The following GNAI3 variants were observed in gnomAD, a reference collection of about 807,000 sequenced individuals.
GNAI3 encodes G protein subunit alpha i3.
Under a neutral mutation model 41.8 loss-of-function variants are expected in GNAI3, and 12 were observed. That is an observed-to-expected ratio of 0.29 (90% CI 0.18 to 0.47). GNAI3 has a LOEUF of 0.47. GNAI3 is among the 20% of genes least tolerant of loss of function. GNAI3 has a pLI of 1.00. For synonymous variants in GNAI3, 132 were observed against 146.5 expected (o/e 0.90, Z 0.71); for missense variants, 360 against 429.6 (o/e 0.84, Z 1.43).
At position 109,553,259 on chromosome 1, in the gene GNAI3, ATACT is replaced by A. The variant is rs531467492; in HGVS notation, c.118+4424_118+4427del. On this transcript the variant is annotated intron_variant, in intron 1 of 8. Transcript: ENST00000369851. ...TTTACTCATCACTGTACTAATGAAG[ATACT>A]TAGTTTTGTAAATTATTGAATTATC... Among the ~76,000 whole-genome samples, 433 of 152,226 alleles carry A rather than the reference ATACT, an allele frequency of 2.8e-3. 2 individuals are homozygous for A. Among genetic ancestry groups the A allele is most frequent in the Non-Finnish European group, 4.6e-3 (314 of 68,016 alleles).
intron 7 of GNAI3, among the ~76,000 whole-genome samples, chr1:109,590,991 G>A (rs936609467): frequency 1.3e-5 from 2 of 152,060 alleles, no homozygotes; most frequent in Non-Finnish European, 2.9e-5. Flanking sequence ...TCTTTGTTGC[G>A]TTTCCCTGGC....
intron 3 of GNAI3, 45 bp downstream of exon 3, chr1:109,574,082 TAC>T: frequency 6.6e-7 from 1 of 1,505,324 alleles, no homozygotes; most frequent in Non-Finnish European, 9.0e-7. Context: ...ATTCAGCAGA[TAC>T]AGTTAAGTTA....
Position 109,598,974 on chromosome 1 carries a change from C to G in GNAI3, c.*6652C>G. 1.9e-6 allele frequency: 1 copy of G among 534,872 alleles called. No homozygotes were observed. The highest frequency in any genetic ancestry group is 3.8e-6 in the Non-Finnish European group (1 of 260,040). The allele number at this position is 534,872 out of a possible 1,614,324, so 33.1% of individuals were successfully genotyped here. A position where few individuals can be genotyped will look rare whatever the true frequency, so the allele number is the denominator to read the frequency against. ...TTCTCCACCCAGCATGGCCGGCACA[C>G]TTTGGTCTACGGCACATCTCCAAGT... On this transcript the variant is annotated 3_prime_UTR_variant, in exon 9 of 9. Coordinates refer to ENST00000369851, the MANE Select transcript of GNAI3 (RefSeq NM_006496.4).
chr1:109,579,252 G>A lies in GNAI3; in HGVS notation c.352G>A (p.Val118Ile). 1 of 1,613,482 alleles carries A rather than the reference G, an allele frequency of 6.2e-7. No homozygotes were observed. The highest frequency in any genetic ancestry group is 1.7e-5 in the Admixed American group (1 of 59,996). ...FVLAGSAEEG[V>I]MTPELAGVIK... The stretch of plus-strand genomic sequence containing the variant: ...TTTAGCTGGCAGTGCTGAAGAAGGA[G>A]TCATGACTCCAGAACTAGCAGGAGT... The change falls in exon 4 of 9, where the codon GTC becomes ATC. Residue 118 changes from valine (V) to isoleucine (I), a missense_variant. Val to Ile is a conservative substitution (Grantham distance 29). Coordinates refer to ENST00000369851, the MANE Select transcript of GNAI3 (RefSeq NM_006496.4).
intron 1 of GNAI3, among the ~76,000 whole-genome samples, chr1:109,561,662 A>T (rs1237460252): frequency 6.6e-6 from 1 of 152,218 alleles, no homozygotes; most frequent in Non-Finnish European, 1.5e-5. Flanking sequence ...AGTAGGGAAG[A>T]TATGCAAGTA....
At chr1:109,561,204 C>T (rs1648300632) in intron 1 of GNAI3, among the ~76,000 whole-genome samples, 1 of 152,128 alleles carries the variant, frequency 6.6e-6, no homozygotes, top group African/African-American at 2.4e-5. Context: ...TAATTAAAAT[C>T]CACATTCATG....
Position 109,592,439 on chromosome 1 carries a change from A to G in GNAI3, c.*117A>G. The G allele has an allele frequency of 2.2e-6, 1 of 455,430 alleles. No homozygotes were observed. Among genetic ancestry groups the G allele is most frequent in the African/African-American group, 1.9e-5 (1 of 52,274 alleles). 28.2% of individuals were successfully genotyped at this position (455,430 alleles called of 1,614,324 possible). A position where few individuals can be genotyped will look rare whatever the true frequency, so the allele number is the denominator to read the frequency against. The stretch of plus-strand genomic sequence containing the variant: ...GGACCAGGGAATGGCAGCAGCATGC[A>G]GAATCTTAGCACTCTTTAGCACAAT... On this transcript the variant is annotated 3_prime_UTR_variant, in exon 9 of 9. Coordinates refer to ENST00000369851, the MANE Select transcript of GNAI3 (RefSeq NM_006496.4).
At chr1:109,568,928 G>A (rs1347794860) in intron 1 of GNAI3, among the ~76,000 whole-genome samples, 1 of 152,136 alleles carries the variant, frequency 6.6e-6, no homozygotes, top group Non-Finnish European at 1.5e-5. Context: ...ATGGCCTCAA[G>A]TGATCCTCCT....
chr1:109,588,818 G>A (rs972571885), intron 7 of GNAI3, among the ~76,000 whole-genome samples: 4 of 152,068 alleles, frequency 2.6e-5, no homozygotes, highest in Admixed American at 6.5e-5. Flanking sequence ...GCTTGAACCC[G>A]GGAGGCGGAG....
chr1:109,560,356 A>G (rs1409806900), intron 1 of GNAI3, among the ~76,000 whole-genome samples: 1 of 152,224 alleles, frequency 6.6e-6, no homozygotes, highest in Admixed American at 6.5e-5. Flanking sequence ...ATTCTAAGTC[A>G]TAATAATGAT....
Position 109,599,406 on chromosome 1 carries a change from C to G in GNAI3, c.*7084C>G, listed in dbSNP as rs542356776. The stretch of plus-strand genomic sequence containing the variant: ...TAAACAGTAACTCCCCATGCCCCAC[C>G]TTCTTTCAGCCCCTGGTAACCAGCA... On this transcript the variant is annotated 3_prime_UTR_variant, in exon 9 of 9. Coordinates refer to ENST00000369851, the MANE Select transcript of GNAI3 (RefSeq NM_006496.4). 2.0e-5 allele frequency: 3 copies of G among 152,584 alleles called. No homozygotes were observed. Among genetic ancestry groups the G allele is most frequent in the Admixed American group, 2.0e-4 (3 of 15,334 alleles). The allele number at this position is 152,584 out of a possible 1,614,324, so 9.5% of individuals were successfully genotyped here. A position where few individuals can be genotyped will look rare whatever the true frequency, so the allele number is the denominator to read the frequency against.
chr1:109,577,617 A>G (rs1648784666), intron 3 of GNAI3, among the ~76,000 whole-genome samples: 2 of 152,102 alleles, frequency 1.3e-5, no homozygotes, highest in Non-Finnish European at 2.9e-5. Flanking sequence ...CCGCCATGCC[A>G]CCCTGAATGC....
At chr1:109,558,147 G>T (rs192792257) in intron 1 of GNAI3, among the ~76,000 whole-genome samples, 2 of 152,248 alleles carry the variant, frequency 1.3e-5, no homozygotes, top group Admixed American at 1.3e-4. Flanking sequence ...ATTAGGCCAG[G>T]CATGGTGGCT....
chr1:109,597,622 T>C lies in GNAI3; in HGVS notation c.*5300T>C, dbSNP rs1649340249. 6.6e-6 allele frequency: 1 copy of C among 151,966 alleles called. No individual in the cohort carries two copies. Among genetic ancestry groups the C allele is most frequent in the South Asian group, 2.1e-4 (1 of 4,780 alleles). 9.4% of individuals were successfully genotyped at this position (151,966 alleles called of 1,614,324 possible). A position where few individuals can be genotyped will look rare whatever the true frequency, so the allele number is the denominator to read the frequency against. ...CACCAAGAAAATTATTGAAAACTGT[T>C]GGGTCACATAACATTCCTACACTTT... On this transcript the variant is annotated 3_prime_UTR_variant, in exon 9 of 9. Transcript: ENST00000369851.
intron 3 of GNAI3, 90 bp from the exon 4 acceptor site, chr1:109,579,114 A>G: frequency 9.9e-7 from 1 of 1,013,452 alleles, no homozygotes; most frequent in Non-Finnish European, 1.4e-6. Context: ...TTTTAACATA[A>G]CATGTAATGT....
intron 7 of GNAI3, among the ~76,000 whole-genome samples, chr1:109,587,584 G>A (rs1437887094): frequency 6.6e-6 from 1 of 152,176 alleles, no homozygotes; most frequent in Non-Finnish European, 1.5e-5. Context: ...GGTATGACCA[G>A]TTGTGGAACC....
At chr1:109,583,285 C>T (rs1358847420) in intron 5 of GNAI3, among the ~76,000 whole-genome samples, 1 of 152,182 alleles carries the variant, frequency 6.6e-6, no homozygotes, top group Non-Finnish European at 1.5e-5. Flanking sequence ...TCACAGCCCA[C>T]TGCAACCTTG....
Position 109,556,169 on chromosome 1 carries a change from G to A in GNAI3, c.118+7331G>A, listed in dbSNP as rs527876729. On this transcript the variant is annotated intron_variant, in intron 1 of 8. Coordinates refer to ENST00000369851, the MANE Select transcript of GNAI3 (RefSeq NM_006496.4). ...CAGGCTCAAACGATCCTCCCATCTC[G>A]GCCTCCTGAGTAGCTTGGACTACAG... Among the ~76,000 whole-genome samples the A allele has an allele frequency of 5.9e-5, 9 of 151,294 alleles. No individual in the cohort carries two copies. In the South Asian group the frequency reaches 1.9e-3, roughly 32 times the overall value.
At chr1:109,559,861 A>G (rs571221101) in intron 1 of GNAI3, among the ~76,000 whole-genome samples, 1 of 152,350 alleles carries the variant, frequency 6.6e-6, no homozygotes, top group East Asian at 1.9e-4. Context: ...TTTGAACTGA[A>G]TAACATAGTG....
Sources: allele counts gnomAD v4.1 joint callset (sites outside exome capture counted in the v4.1 genomes callset), GRCh38; gene constraint gnomAD v4.1.1; transcripts MANE v1.5; gene names NCBI Gene and HGNC (gene_info 2026-07-23, HGNC 2026-07-21).